Variants in AP5M1 observed in about 807,000 individuals in gnomAD.
AP5M1 encodes the protein adaptor related protein complex 5 subunit mu 1.
AP5M1 carries 44 observed loss-of-function variants against 52.3 expected under a neutral mutation model. The ratio of observed to expected loss-of-function variants is 0.84; its 90% CI spans 0.66 to 1.08. The LOEUF (loss-of-function observed/expected upper bound fraction) is 1.08. AP5M1 is among the 50% of genes least tolerant of loss of function. The probability of loss-of-function intolerance (pLI) is 0.00; values close to 1 mark genes in which losing one functional copy is unlikely to be tolerated. For synonymous variants in AP5M1, 213 were observed against 199.0 expected, an observed-to-expected ratio of 1.07 and a Z score of -0.59; for missense variants, 526 against 568.4, an observed-to-expected ratio of 0.93 and a Z score of 0.76.
At chr14:57,279,090 A>G (rs1885109589) in intron 2 of AP5M1, among the ~76,000 whole-genome samples, 1 of 152,228 alleles carries the variant, frequency 6.6e-6, no homozygotes, top group African/African-American at 2.4e-5. Context: ...GTGAGGATGT[A>G]AATTAGTTTA....
At position 57,293,604 on chromosome 14, in the gene AP5M1, G is replaced by A. The variant is rs1260071257; in HGVS notation, c.*4720G>A. The stretch of plus-strand genomic sequence containing the variant: ...GGCATTCTATAAAGATAGAGGGCAG[G>A]TTCCCATGGCTATGTTGCTAAGAAA... On this transcript the variant is annotated 3_prime_UTR_variant, in exon 8 of 8. Coordinates refer to ENST00000261558, the MANE Select transcript of AP5M1 (RefSeq NM_018229.4). The A allele has an allele frequency of 6.6e-6, 1 of 151,642 alleles. No homozygotes were observed. The allele number at this position is 151,642 out of a possible 1,614,324, so 9.4% of individuals were successfully genotyped here.
In AP5M1 at chr14:57,291,532, A is replaced by G. The variant is rs1332569666; in HGVS notation, c.*2648A>G. On this transcript the variant is annotated 3_prime_UTR_variant, in exon 8 of 8. Transcript: ENST00000261558. ...AGGCAATACCCTTACGGTGGTGGCA[A>G]TTTTTTTTTAACTTTTTAAGTAATT... The G allele has an allele frequency of 1.3e-5, 2 of 151,100 alleles. No individual in the cohort carries two copies. Among genetic ancestry groups the G allele is most frequent in the African/African-American group, 2.4e-5 (1 of 41,182 alleles). 9.4% of individuals were successfully genotyped at this position (151,100 alleles called of 1,614,324 possible). A position where few individuals can be genotyped will look rare whatever the true frequency, so the allele number is the denominator to read the frequency against.
chr14:57,274,105 T>C (rs1884958516), intron 1 of AP5M1, 139 bp from the exon 2 acceptor site: 1 of 905,108 alleles, frequency 1.1e-6, no homozygotes, highest in East Asian at 2.7e-5. Context: ...TTGGCTTTTG[T>C]GGATGTGTGT....
chr14:57,280,850 C>CA (rs201466728), intron 3 of AP5M1, among the ~76,000 whole-genome samples: 402 of 119,452 alleles, frequency 3.4e-3, no homozygotes, highest in East Asian at 0.03. Context: ...GACTCCATCT[C>CA]AAAAAAAAAA....
rs1885219456 is a variant in AP5M1, at chr14:57,282,989, C to A, written c.1144C>A (p.Arg382=). The change falls in exon 5 of 8, where the codon CGA becomes AGA. Residue 382 remains arginine, a synonymous_variant. Coordinates refer to ENST00000261558, the MANE Select transcript of AP5M1 (RefSeq NM_018229.4). ...KTSFGQLEVF[R]EKSLLIWIIG... is the part of the protein sequence containing the mutation. ...TAGTTTTGGCCAGCTTGAAGTATTT[C>A]GAGAGAAAAGCTTATTGATCTGGAT... 1.3e-6 allele frequency: 2 copies of A among 1,599,470 alleles called. No individual in the cohort carries two copies. Among genetic ancestry groups the A allele is most frequent in the Non-Finnish European group, 1.7e-6 (2 of 1,171,374 alleles).
chr14:57,277,130 G>A (rs967816587), intron 2 of AP5M1, among the ~76,000 whole-genome samples: 3 of 136,996 alleles, frequency 2.2e-5, no homozygotes, highest in Non-Finnish European at 4.5e-5. Context: ...AAACTCTTAG[G>A]TGCCTTTTTT....
At position 57,286,204 on chromosome 14, in the gene AP5M1, AT is replaced by A; in HGVS notation, c.1294-16del. ...CCAAATAATCACCTTAATTTGGTAC[AT>A]TTCTCTCTTCTTTCTAGCTTCATTT... On this transcript the variant is annotated intron_variant, in intron 6 of 7. Coordinates refer to ENST00000261558, the MANE Select transcript of AP5M1 (RefSeq NM_018229.4). The A allele has an allele frequency of 6.6e-7, 1 of 1,507,858 alleles. No individual in the cohort carries two copies. The highest frequency in any genetic ancestry group is 9.2e-7 in the Non-Finnish European group (1 of 1,086,386). The allele number at this position is 1,507,858 out of a possible 1,614,324, so 93.4% of individuals were successfully genotyped here. A position where few individuals can be genotyped will look rare whatever the true frequency, so the allele number is the denominator to read the frequency against.
chr14:57,280,765 C>T (rs1031500387), intron 3 of AP5M1, among the ~76,000 whole-genome samples: 6 of 151,810 alleles, frequency 4.0e-5, no homozygotes, highest in African/African-American at 4.8e-5. Context: ...GCAGGAGAAT[C>T]GCTTGAACCC....
At chr14:57,272,316 A>T (rs1016293742) in intron 1 of AP5M1, among the ~76,000 whole-genome samples, 2 of 152,188 alleles carry the variant, frequency 1.3e-5, no homozygotes, top group African/African-American at 4.8e-5. Context: ...CTGACACTTT[A>T]TAAGTGTCAA....
At chr14:57,270,871 T>G (rs1379058699) in intron 1 of AP5M1, among the ~76,000 whole-genome samples, 1 of 152,162 alleles carries the variant, frequency 6.6e-6, no homozygotes, top group Non-Finnish European at 1.5e-5. Flanking sequence ...TCAACACTAT[T>G]TTAAAGAAAC....
rs897622757 is a variant in AP5M1 at position 57,293,264 on chromosome 14, C to CA, written c.*4384dup. ...AAAAAAAAAGTATAGTGATTTGTTA[C>CA]AAAATATGTTTTTAAAGATTAGATT... is the stretch of plus-strand genomic sequence containing the variant. On this transcript the variant is annotated 3_prime_UTR_variant, in exon 8 of 8. Coordinates refer to ENST00000261558, the MANE Select transcript of AP5M1 (RefSeq NM_018229.4). 3.3e-5 allele frequency: 5 copies of CA among 151,486 alleles called. No individual in the cohort carries two copies. The highest frequency in any genetic ancestry group is 1.2e-4 in the African/African-American group (5 of 41,280). 9.4% of individuals were successfully genotyped at this position (151,486 alleles called of 1,614,324 possible).
At chr14:57,285,805 G>T (rs1226295214) in intron 6 of AP5M1, among the ~76,000 whole-genome samples, 1 of 152,152 alleles carries the variant, frequency 6.6e-6, no homozygotes, top group East Asian at 1.9e-4. Context: ...TATAGGGCAT[G>T]CAAGACAGTA....
chr14:57,270,629 A>T (rs1594695419), intron 1 of AP5M1, among the ~76,000 whole-genome samples: 1 of 152,178 alleles, frequency 6.6e-6, no homozygotes, highest in East Asian at 1.9e-4. Context: ...AATACAGGAG[A>T]TTAATAATAT....
In AP5M1 at chr14:57,280,220, A is replaced by C. The variant is rs763849353; in HGVS notation, c.746A>C (p.Asn249Thr). The C allele has an allele frequency of 6.2e-7, 1 of 1,613,896 alleles. No individual in the cohort carries two copies. Among genetic ancestry groups the C allele is most frequent in the Non-Finnish European group, 8.5e-7 (1 of 1,179,792 alleles). ...CKCDLEGIMP[N>T]VTISLSLPTN... Reference sequence around the variant, plus strand: ...TGTGATTTGGAAGGAATCATGCCAAATGTTACCATCAGCTTGAGTCTCCCC... The same window carrying C: ...TGTGATTTGGAAGGAATCATGCCAACTGTTACCATCAGCTTGAGTCTCCCC... The change falls in exon 3 of 8, where the codon AAT becomes ACT. Residue 249 changes from asparagine (N) to threonine (T), a missense_variant. Physicochemically the swap from Asn to Thr is moderately conservative, Grantham distance 65. Coordinates refer to ENST00000261558, the MANE Select transcript of AP5M1 (RefSeq NM_018229.4).
At chr14:57,279,384 G>A (rs1458690716) in intron 2 of AP5M1, among the ~76,000 whole-genome samples, 8 of 152,174 alleles carry the variant, frequency 5.3e-5, no homozygotes, top group Non-Finnish European at 7.3e-5. Flanking sequence ...TTGCATGGAC[G>A]TAGATGGAGT....
chr14:57,293,082 T>C lies in AP5M1; in HGVS notation c.*4198T>C, dbSNP rs961917279. 2 of 151,706 alleles carry C rather than the reference T, an allele frequency of 1.3e-5. No homozygotes were observed. Among genetic ancestry groups the C allele is most frequent in the African/African-American group, 2.4e-5 (1 of 41,370 alleles). The allele number at this position is 151,706 out of a possible 1,614,324, so 9.4% of individuals were successfully genotyped here. On this transcript the variant is annotated 3_prime_UTR_variant, in exon 8 of 8. Coordinates refer to ENST00000261558, the MANE Select transcript of AP5M1 (RefSeq NM_018229.4). ...TCCATAATTTTAAATTTTGAAATAT[T>C]ATATGGAATTTTGCACAGTATTTTG...
intron 1 of AP5M1, among the ~76,000 whole-genome samples, chr14:57,272,439 A>G (rs1480182299): frequency 6.6e-6 from 1 of 152,236 alleles, no homozygotes; most frequent in East Asian, 1.9e-4. Flanking sequence ...TGCTTTCCAG[A>G]TAATAATAGC....
chr14:57,274,437 G>A lies in AP5M1; in HGVS notation c.268G>A (p.Gly90Ser), dbSNP rs114044771. ...KTSIYGLLIG[G>S]EELWPVVAFL... ...ATCCATTTATGGACTCCTGATAGGAGGTGAAGAACTCTGGCCAGTTGTTGC... is the reference window on the plus strand; with the variant it reads ...ATCCATTTATGGACTCCTGATAGGAAGTGAAGAACTCTGGCCAGTTGTTGC... Residue 90 changes from glycine to serine, a missense_variant, in exon 2 of 8, where the codon GGT (glycine) becomes AGT (serine). Physicochemically the swap from Gly to Ser is moderately conservative, Grantham distance 56. Around this residue, in one of 3 missense-constraint regions of AP5M1, gnomAD observed 425 missense variants for 430.6 expected, o/e 0.99. Transcript: ENST00000261558. The A allele has an allele frequency of 1.1e-5, 18 of 1,614,170 alleles. No individual in the cohort carries two copies. The East Asian group carries it at 4.0e-4, about 36-fold the overall frequency.
intron 1 of AP5M1, among the ~76,000 whole-genome samples, chr14:57,272,558 T>A (rs1057300988): frequency 6.6e-6 from 1 of 152,206 alleles, no homozygotes; most frequent in Non-Finnish European, 1.5e-5. Context: ...AATGATAGGT[T>A]GAGTCATCCA....
Sources: allele counts gnomAD v4.1 joint callset (sites outside exome capture counted in the v4.1 genomes callset), GRCh38; gene constraint gnomAD v4.1.1; regional missense constraint gnomAD v4.1.1; transcripts MANE v1.5; gene names NCBI Gene and HGNC (gene_info 2026-07-23, HGNC 2026-07-21).